TMEM117: variants seen among roughly 807,000 people sequenced by gnomAD.
The protein encoded by TMEM117 is transmembrane protein 117.
A neutral mutation model predicts 52.4 loss-of-function variants in TMEM117; 27 were observed. That is an observed-to-expected ratio of 0.51 (90% CI 0.38 to 0.71). The LOEUF (loss-of-function observed/expected upper bound fraction) is 0.71. Ranked by LOEUF, TMEM117 falls within the 30% of genes least tolerant of loss-of-function variation. TMEM117 has a pLI of 0.00. For missense variants in TMEM117, 556 were observed against 630.5 expected (o/e 0.88, Z 1.26); for synonymous variants, 215 against 206.3 (o/e 1.04, Z -0.36).
At chr12:44,165,448 A>T (rs1948953187) in intron 4 of TMEM117, among the ~76,000 whole-genome samples, 1 of 152,242 alleles carries the variant, frequency 6.6e-6, no homozygotes, top group South Asian at 2.1e-4. Flanking sequence ...ATGAAAAAAT[A>T]ATAACATGAC....
chr12:44,213,587 C>T (rs1451889967), intron 5 of TMEM117, among the ~76,000 whole-genome samples: 1 of 152,190 alleles, frequency 6.6e-6, no homozygotes, highest in Non-Finnish European at 1.5e-5. Flanking sequence ...ATTGTAGTTC[C>T]CATAATCCCC....
At chr12:43,852,694 G>A (rs115779492) in intron 2 of TMEM117, among the ~76,000 whole-genome samples, 68 of 152,352 alleles carry the variant, frequency 4.5e-4, no homozygotes, top group African/African-American at 1.6e-3. Flanking sequence ...AAGGGTTCAA[G>A]TTACTTTGAC....
chr12:44,355,198 A>C (rs529776388), intron 6 of TMEM117, among the ~76,000 whole-genome samples: 2 of 152,046 alleles, frequency 1.3e-5, no homozygotes, highest in African/African-American at 2.4e-5. Context: ...TTTCAGCTCT[A>C]TATATTTATT....
At chr12:44,204,796 A>G (rs1413366866) in intron 4 of TMEM117, among the ~76,000 whole-genome samples, 1 of 152,132 alleles carries the variant, frequency 6.6e-6, no homozygotes, top group Non-Finnish European at 1.5e-5. Flanking sequence ...ATAACAAGCA[A>G]TGGGGAGGGG....
chr12:44,309,172 T>A (rs973540214), intron 6 of TMEM117, among the ~76,000 whole-genome samples: 1 of 152,124 alleles, frequency 6.6e-6, no homozygotes, highest in African/African-American at 2.4e-5. Context: ...TCATGAAATT[T>A]TAGAGCAGGA....
chr12:43,901,314 G>GT (rs982951440), intron 2 of TMEM117, among the ~76,000 whole-genome samples: 7 of 151,878 alleles, frequency 4.6e-5, no homozygotes, highest in South Asian at 4.1e-4. Flanking sequence ...TTTGTTTTTG[G>GT]TTTTTTTTGT....
intron 2 of TMEM117, among the ~76,000 whole-genome samples, chr12:43,930,816 G>A (rs1353552331): frequency 2.0e-5 from 3 of 152,102 alleles, no homozygotes; most frequent in African/African-American, 7.2e-5. Context: ...AGATAAATAA[G>A]CCCTGCAGTT....
At chr12:43,801,812 T>A in the TMEM117 span, among the ~76,000 whole-genome samples, 3 of 152,078 alleles carry the variant, frequency 2.0e-5, no homozygotes, top group Non-Finnish European at 4.4e-5. Flanking sequence ...GGTGGATCAC[T>A]TAAGGCCACG....
intron 3 of TMEM117, among the ~76,000 whole-genome samples, chr12:44,061,641 A>T (rs560065856): frequency 6.6e-6 from 1 of 152,062 alleles, no homozygotes; most frequent in South Asian, 2.1e-4. Context: ...GTATGATTAC[A>T]TTTTTTTTCA....
intron 2 of TMEM117, among the ~76,000 whole-genome samples, chr12:43,849,005 C>T (rs1943260586): frequency 6.6e-6 from 1 of 152,064 alleles, no homozygotes; most frequent in South Asian, 2.1e-4. Context: ...AGAAGTAAAC[C>T]ATTCTTTAGT....
At chr12:43,959,295 G>A (rs889370374) in intron 3 of TMEM117, among the ~76,000 whole-genome samples, 3 of 152,140 alleles carry the variant, frequency 2.0e-5, no homozygotes, top group Non-Finnish European at 4.4e-5. Flanking sequence ...CCCGATTTTT[G>A]AAAGAATCAC....
intron 3 of TMEM117, chr12:44,008,882 G>T: frequency 2.3e-6 from 1 of 426,514 alleles, no homozygotes; most frequent in Admixed American, 3.1e-5. Flanking sequence ...CCCGCACCAT[G>T]AGCATCTATA....
the TMEM117 span, among the ~76,000 whole-genome samples, chr12:43,799,846 T>A: frequency 8.5e-5 from 13 of 152,218 alleles, no homozygotes; most frequent in East Asian, 2.5e-3. Context: ...TATCCAATAA[T>A]CAACATATTC....
intron 3 of TMEM117, among the ~76,000 whole-genome samples, chr12:44,139,933 A>G (rs755515040): frequency 2.3e-4 from 35 of 152,162 alleles, no homozygotes; most frequent in Non-Finnish European, 4.3e-4. Context: ...TGGATATGCA[A>G]ATGAATGAAA....
chr12:43,921,397 T>A (rs1944691864), intron 2 of TMEM117, among the ~76,000 whole-genome samples: 1 of 152,168 alleles, frequency 6.6e-6, no homozygotes, highest in Non-Finnish European at 1.5e-5. Flanking sequence ...AGAATAAGAT[T>A]TGGAGTCTGA....
intron 2 of TMEM117, among the ~76,000 whole-genome samples, chr12:43,941,412 A>T (rs1182560967): frequency 1.3e-5 from 2 of 152,224 alleles, no homozygotes; most frequent in Non-Finnish European, 2.9e-5. Context: ...ATTAATAATT[A>T]TGCCAGGACA....
intron 2 of TMEM117, among the ~76,000 whole-genome samples, chr12:43,941,172 A>G (rs1196010875): frequency 1.3e-5 from 2 of 152,230 alleles, no homozygotes; most frequent in African/African-American, 2.4e-5. Context: ...ACAAATATTC[A>G]TATATCTGTG....
At chr12:44,148,231 C>T (rs1948672877) in intron 4 of TMEM117, among the ~76,000 whole-genome samples, 1 of 152,220 alleles carries the variant, frequency 6.6e-6, no homozygotes, top group Non-Finnish European at 1.5e-5. Context: ...TAGTGACCGT[C>T]TGTTTATAAA....
chr12:43,887,772 A>G (rs957375506), intron 2 of TMEM117, among the ~76,000 whole-genome samples: 3 of 152,254 alleles, frequency 2.0e-5, no homozygotes, highest in Admixed American at 6.5e-5. Context: ...TTCAATAGCC[A>G]GACAAGGACC....
Sources: gnomAD v4.1 joint callset for allele counts (sites outside exome capture counted in the v4.1 genomes callset) on GRCh38, gnomAD v4.1.1 for gene constraint, MANE v1.5 for transcripts, NCBI Gene and HGNC (gene_info 2026-07-23, HGNC 2026-07-21) for gene names.